TTC21B: variants seen among roughly 807,000 people sequenced by gnomAD.
TTC21B encodes tetratricopeptide repeat domain 21B.
TTC21B carries 127 observed loss-of-function variants against 175.1 expected under a neutral mutation model. The ratio of observed to expected loss-of-function variants is 0.73; its 90% CI spans 0.63 to 0.84. The LOEUF (loss-of-function observed/expected upper bound fraction) is 0.84, where lower values mean the gene tolerates loss of function less well. Ranked by LOEUF, TTC21B falls within the 40% of genes least tolerant of loss-of-function variation. The pLI is 0.00. For synonymous variants in TTC21B, 524 were observed against 524.5 expected, an observed-to-expected ratio of 1.00 and a Z score of 0.01; for missense variants, 1,561 against 1,558.3, an observed-to-expected ratio of 1.00 and a Z score of -0.03.
At chr2:165,947,040 C>T (rs1244428763) in intron 3 of TTC21B, among the ~76,000 whole-genome samples, 1 of 150,728 alleles carries the variant, frequency 6.6e-6, no homozygotes, top group Non-Finnish European at 1.5e-5. Context: ...AACATGCCAG[C>T]TACTGTTATG....
rs1559066210 is a variant in TTC21B, at chr2:165,929,243, G to C, written c.1278C>G (p.His426Gln). The C allele has an allele frequency of 1.2e-6, 2 of 1,612,964 alleles. No homozygotes were observed. Among genetic ancestry groups the C allele is most frequent in the Non-Finnish European group, 1.7e-6 (2 of 1,179,326 alleles). ...INLLNDVLDT[H>Q]FSQLEGLPLG... ...GAGGCAAACCTTCTAATTGTGAAAA[G>C]TGAGTGTCCAGGACATCATTTAACA... The change falls in exon 11 of 29, where the codon CAC becomes CAG. Residue 426 changes from histidine to glutamine, a missense_variant. Transcript: ENST00000243344.
rs1352550609 is a variant in TTC21B, at chr2:165,953,714, C to T, written c.-9G>A. 3.3e-6 allele frequency: 5 copies of T among 1,531,280 alleles called. No individual in the cohort carries two copies. The East Asian group carries it at 9.9e-5, about 30-fold the overall frequency. The allele number at this position is 1,531,280 out of a possible 1,614,324, so 94.9% of individuals were successfully genotyped here. On this transcript the variant is annotated 5_prime_UTR_variant, in exon 1 of 29. Transcript: ENST00000243344. ...AATTCCTGCGAGTCCATGGCTGCCC[C>T]GAGGCCGGGCCGCGGGGCTCTGGGG...
Position 165,949,688 on chromosome 2 carries a change from G to A in TTC21B, c.58C>T (p.His20Tyr), listed in dbSNP as rs938432348. The A allele has an allele frequency of 1.2e-6, 2 of 1,612,188 alleles. No homozygotes were observed. The highest frequency in any genetic ancestry group is 2.7e-5 in the African/African-American group (2 of 74,976). ...INYYCQERYF[H>Y]HVLLVASEGI... Reference sequence around the variant, plus strand: ...TCACTGGCAACCAGTAATACATGATGGAAATATCTCTCTTGACAATAGTAA... The same window carrying A: ...TCACTGGCAACCAGTAATACATGATAGAAATATCTCTCTTGACAATAGTAA... Residue 20 changes from histidine (H) to tyrosine (Y), a missense_variant, in exon 2 of 29, where the codon CAT becomes TAT. Physicochemically the swap from His to Tyr is moderately conservative, Grantham distance 83. Coordinates refer to ENST00000243344, the MANE Select transcript of TTC21B (RefSeq NM_024753.5).
At position 165,942,212 on chromosome 2, in the gene TTC21B, T is replaced by C. The variant is rs530604833; in HGVS notation, c.552+1007A>G. ...AGTGATGTGGAGACATTAACAAAAG[T>C]CAAGACATGAATCCTCTCCCCTTCT... On this transcript the variant is annotated intron_variant, in intron 5 of 28. Transcript: ENST00000243344. 3.9e-5 allele frequency among the ~76,000 whole-genome samples: 6 copies of C among 152,230 alleles called. No individual in the cohort carries two copies. The South Asian group carries it at 1.2e-3, about 32-fold the overall frequency.
At chr2:165,897,616 AG>A (rs1261037998) in intron 22 of TTC21B, among the ~76,000 whole-genome samples, 1 of 152,180 alleles carries the variant, frequency 6.6e-6, no homozygotes, top group East Asian at 1.9e-4. Context: ...TACATGAGTA[AG>A]GGCTGCAGAT....
At chr2:165,889,382 T>C (rs766810255) in intron 24 of TTC21B, among the ~76,000 whole-genome samples, 1 of 152,162 alleles carries the variant, frequency 6.6e-6, no homozygotes, top group Non-Finnish European at 1.5e-5. Context: ...AAGCTTAACA[T>C]TTAGTTCTCA....
chr2:165,880,246 AAT>A (rs1295146352), intron 27 of TTC21B, among the ~76,000 whole-genome samples: 1 of 152,158 alleles, frequency 6.6e-6, no homozygotes, highest in East Asian at 1.9e-4. Context: ...ATGGTCAAAT[AAT>A]TGTGGGAAAC....
chr2:165,943,241 T>G lies in TTC21B; in HGVS notation c.530A>C (p.Asp177Ala). The G allele has an allele frequency of 6.2e-7, 1 of 1,613,686 alleles. No individual in the cohort carries two copies. The highest frequency in any genetic ancestry group is 8.5e-7 in the Non-Finnish European group (1 of 1,179,628). ...CACCTTACCCAGCAGAGCAAAAGTATCATTCCCATCTTGGAGTCCCTCTTC... is the reference window on the plus strand; with the variant it reads ...CACCTTACCCAGCAGAGCAAAAGTAGCATTCCCATCTTGGAGTCCCTCTTC... ...YFEEGLQDGN[D>A]TFALLGKAQC... is the part of the protein sequence containing the mutation. Residue 177 changes from aspartate (D) to alanine (A), a missense_variant, in exon 5 of 29, where the codon GAT becomes GCT. Transcript: ENST00000243344.
intron 1 of TTC21B, among the ~76,000 whole-genome samples, chr2:165,951,227 T>C (rs1687752636): frequency 6.6e-6 from 1 of 152,166 alleles, no homozygotes; most frequent in Admixed American, 6.5e-5. Flanking sequence ...TAAGCATCTA[T>C]AATCCTCCTG....
intron 18 of TTC21B, among the ~76,000 whole-genome samples, chr2:165,909,779 A>T (rs1443492491): frequency 6.6e-6 from 1 of 152,164 alleles, no homozygotes; most frequent in African/African-American, 2.4e-5. Flanking sequence ...GAGACTCATC[A>T]AATCAATTAT....
intron 6 of TTC21B, among the ~76,000 whole-genome samples, chr2:165,940,725 C>T (rs1346334693): frequency 1.3e-5 from 2 of 152,136 alleles, no homozygotes; most frequent in Non-Finnish European, 2.9e-5. Flanking sequence ...ACATACTACA[C>T]AATATACTTA....
rs148222901 is a variant in TTC21B at position 165,912,581 on chromosome 2, T to C, written c.2255A>G (p.Asn752Ser). 7.9e-5 allele frequency: 127 copies of C among 1,614,102 alleles called. No homozygotes were observed. The African/African-American group carries it at 1.4e-3, about 18-fold the overall frequency. ...IVAYEQALNQ[N>S]PKDGTLASKM... ...GCTTGCCAATGTTCCATCTTTCGGG[T>C]TCTGATTTAATGCTTGCTCATATGC... The change falls in exon 17 of 29, where the codon AAC becomes AGC. Residue 752 changes from asparagine (N) to serine (S), a missense_variant. Coordinates refer to ENST00000243344, the MANE Select transcript of TTC21B (RefSeq NM_024753.5).
rs527712391 is a variant in TTC21B, at chr2:165,921,994, A to C, written c.1516+2555T>G. Among the ~76,000 whole-genome samples, 95 of 152,012 alleles carry C rather than the reference A, an allele frequency of 6.2e-4. 1 individual carries two copies. The highest frequency in any genetic ancestry group is 5.6e-3 in the South Asian group (27 of 4,814). ...CACTCTCCTCCCACCCTTTCCCCTGAGTCCCCAAAGTCCATTGTATCATTC... is the reference window on the plus strand; with the variant it reads ...CACTCTCCTCCCACCCTTTCCCCTGCGTCCCCAAAGTCCATTGTATCATTC... On this transcript the variant is annotated intron_variant, in intron 12 of 28. Coordinates refer to ENST00000243344, the MANE Select transcript of TTC21B (RefSeq NM_024753.5).
At chr2:165,894,342 G>A (rs902904537) in intron 22 of TTC21B, among the ~76,000 whole-genome samples, 12 of 151,986 alleles carry the variant, frequency 7.9e-5, no homozygotes, top group South Asian at 2.1e-4. Flanking sequence ...AAATTTGTAT[G>A]GTACATTTCT....
At chr2:165,911,235 A>G (rs1685920920) in intron 18 of TTC21B, 92 bp downstream of exon 18, 1 of 1,483,776 alleles carries the variant, frequency 6.7e-7, no homozygotes, top group Non-Finnish European at 9.3e-7. Flanking sequence ...CCACAAATAA[A>G]ATATTGAGAA....
At chr2:165,941,281 C>T in intron 5 of TTC21B, 97 bp from the exon 6 acceptor site, 1 of 1,373,444 alleles carries the variant, frequency 7.3e-7, no homozygotes, top group Non-Finnish European at 1.0e-6. Context: ...TTAATACTTA[C>T]TTTTCTGTGA....
Position 165,901,721 on chromosome 2 carries a change from CCTT to C in TTC21B, c.2755_2757del (p.Lys919del). ...ATTTAAAATTTTATAAAGGTACTGACCTTATTATCTGTTTCGCAGTGAACCAGA... is the reference window on the plus strand; with the variant it reads ...ATTTAAAATTTTATAAAGGTACTGACATTATCTGTTTCGCAGTGAACCAGA... On this transcript the variant is annotated inframe_deletion and splice_region_variant, in exon 20 of 29. Coordinates refer to ENST00000243344, the MANE Select transcript of TTC21B (RefSeq NM_024753.5). 1 of 1,613,250 alleles carries C rather than the reference CCTT, an allele frequency of 6.2e-7. No individual in the cohort carries two copies. The highest frequency in any genetic ancestry group is 1.1e-5 in the South Asian group (1 of 91,056).
intron 14 of TTC21B, 118 bp downstream of exon 14, chr2:165,917,139 A>T: frequency 2.1e-6 from 2 of 961,000 alleles, no homozygotes; most frequent in East Asian, 5.2e-5. Flanking sequence ...TCGGCCTCCC[A>T]AAGTGCTGGG....
intron 12 of TTC21B, among the ~76,000 whole-genome samples, 154 bp from the exon 13 acceptor site, chr2:165,919,587 A>G (rs1427318034): frequency 6.6e-6 from 1 of 152,150 alleles, no homozygotes; most frequent in African/African-American, 2.4e-5. Context: ...TTCCATCTGC[A>G]CTAGTTAGCT....
Sources: gnomAD v4.1 joint callset for allele counts (sites outside exome capture counted in the v4.1 genomes callset) on GRCh38, gnomAD v4.1.1 for gene constraint, MANE v1.5 for transcripts, NCBI Gene and HGNC (gene_info 2026-07-23, HGNC 2026-07-21) for gene names.